The following BBS9 variants were observed in gnomAD, a reference collection of about 807,000 sequenced individuals.
BBS9 encodes Bardet-Biedl syndrome 9.
A neutral mutation model predicts 117.7 loss-of-function variants in BBS9; 89 were observed. The observed-to-expected ratio is 0.76, with a 90% CI of 0.64 to 0.90. The LOEUF (loss-of-function observed/expected upper bound fraction) is 0.90, where lower values mean the gene tolerates loss of function less well. Among genes scored for constraint, BBS9 ranks in the 40% least tolerant of loss-of-function variants. BBS9 has a pLI of 0.00. For synonymous variants in BBS9, 379 were observed against 370.9 expected (o/e 1.02, Z -0.25); for missense variants, 982 against 1,042.2 (o/e 0.94, Z 0.80).
rs117807130 is a variant in BBS9, at chr7:33,263,074, A to G, written c.618-1216A>G. 4.9e-3 allele frequency among the ~76,000 whole-genome samples: 720 copies of G among 146,602 alleles called. 3 individuals are homozygous for G. The highest frequency in any genetic ancestry group is 7.8e-3 in the Non-Finnish European group (523 of 67,030). On this transcript the variant is annotated intron_variant, in intron 6 of 22. Coordinates refer to ENST00000242067, the MANE Select transcript of BBS9 (RefSeq NM_198428.3). ...TCCCTACTATATGTTTATAAAATGAATGAAATTTATATATATTACGTTTTC... is the reference window on the plus strand; with the variant it reads ...TCCCTACTATATGTTTATAAAATGAGTGAAATTTATATATATTACGTTTTC...
intron 19 of BBS9, among the ~76,000 whole-genome samples, chr7:33,495,625 C>T (rs1484214532): frequency 6.6e-6 from 1 of 152,116 alleles, no homozygotes; most frequent in African/African-American, 2.4e-5. Context: ...AACCTGATTC[C>T]ATCAATTATT....
chr7:33,143,346 A>G (rs949010771), intron 1 of BBS9, among the ~76,000 whole-genome samples: 1 of 152,156 alleles, frequency 6.6e-6, no homozygotes, highest in Non-Finnish European at 1.5e-5. Context: ...CCAACAGCGT[A>G]CAGAGATTCC....
chr7:33,474,880 G>A (rs1280721241), intron 19 of BBS9, among the ~76,000 whole-genome samples: 5 of 152,202 alleles, frequency 3.3e-5, no homozygotes, highest in African/African-American at 1.2e-4. Flanking sequence ...GGGAGGTGGA[G>A]GTTGCAGTGA....
At chr7:33,134,567 T>G (rs1790171568) in intron 1 of BBS9, among the ~76,000 whole-genome samples, 4 of 152,166 alleles carry the variant, frequency 2.6e-5, no homozygotes, top group Admixed American at 2.6e-4. Flanking sequence ...CTAAAAGTTT[T>G]TAGTTTTGAT....
chr7:33,432,073 TTTTC>T (rs552221500), intron 19 of BBS9, among the ~76,000 whole-genome samples: 263 of 152,030 alleles, frequency 1.7e-3, no homozygotes, highest in African/African-American at 6.0e-3. Context: ...CCAGGATTTT[TTTTC>T]TTTCTTTCTT....
intron 19 of BBS9, among the ~76,000 whole-genome samples, chr7:33,469,743 A>G (rs1364758910): frequency 1.3e-5 from 2 of 152,118 alleles, no homozygotes; most frequent in African/African-American, 2.4e-5. Flanking sequence ...AAAGAGGAGA[A>G]CAAAGAAAAG....
chr7:33,216,595 T>C (rs1789112496), intron 5 of BBS9, among the ~76,000 whole-genome samples: 1 of 152,222 alleles, frequency 6.6e-6, no homozygotes, highest in Admixed American at 6.5e-5. Flanking sequence ...AATAAACTCA[T>C]TGAAAATCAG....
chr7:33,185,607 A>G (rs934322257), intron 5 of BBS9, among the ~76,000 whole-genome samples: 1 of 152,186 alleles, frequency 6.6e-6, no homozygotes. Context: ...ATGTATATTT[A>G]GTGTGCACCT....
intron 21 of BBS9, among the ~76,000 whole-genome samples, chr7:33,619,406 A>G (rs749477440): frequency 5.9e-5 from 9 of 152,296 alleles, no homozygotes; most frequent in Admixed American, 2.0e-4. Flanking sequence ...ACACAGTAGT[A>G]GTAAGGGACT....
intron 19 of BBS9, among the ~76,000 whole-genome samples, chr7:33,437,311 CCCACACCAGTCTTCTTT>C (rs1835441428): frequency 6.6e-6 from 1 of 152,162 alleles, no homozygotes; most frequent in East Asian, 1.9e-4. Context: ...CCTCTCTGCT[CCCACACCAGTCTTCTTT>C]CCAAACAGCG....
intron 20 of BBS9, among the ~76,000 whole-genome samples, chr7:33,507,295 C>A (rs750950183): frequency 6.6e-6 from 1 of 152,166 alleles, no homozygotes; most frequent in Non-Finnish European, 1.5e-5. Flanking sequence ...GACTGGAGTG[C>A]AATGGTGTGA....
In BBS9 at chr7:33,367,852, C is replaced by T. The variant is rs767895285; in HGVS notation, c.1779C>T (p.Ser593=). ...LGGARITVLA[S]KTSQRYRIQS... ...GTGCTCGAATTACTGTTCTTGCTTCCAAAACTTCTCGTAAGTAAAACCATG... is the reference window on the plus strand; with the variant it reads ...GTGCTCGAATTACTGTTCTTGCTTCTAAAACTTCTCGTAAGTAAAACCATG... Residue 593 remains serine, a synonymous_variant, in exon 17 of 23, where the codon TCC becomes TCT. Coordinates refer to ENST00000242067, the MANE Select transcript of BBS9 (RefSeq NM_198428.3). 30 of 1,613,524 alleles carry T rather than the reference C, an allele frequency of 1.9e-5. No individual in the cohort carries two copies. In the East Asian group the frequency reaches 6.7e-4, roughly 36 times the overall value.
At chr7:33,509,228 A>C (rs963760865) in intron 20 of BBS9, among the ~76,000 whole-genome samples, 3 of 152,188 alleles carry the variant, frequency 2.0e-5, no homozygotes, top group Non-Finnish European at 4.4e-5. Context: ...TATACTGTTG[A>C]GACAGCTTAT....
intron 17 of BBS9, among the ~76,000 whole-genome samples, chr7:33,373,208 G>A (rs1179333407): frequency 6.6e-6 from 1 of 151,978 alleles, no homozygotes; most frequent in Admixed American, 6.6e-5. Context: ...GCACTGAGGA[G>A]CGTATTCTTA....
chr7:33,480,359 G>T (rs1842366336), intron 19 of BBS9, among the ~76,000 whole-genome samples: 1 of 152,158 alleles, frequency 6.6e-6, no homozygotes, highest in African/African-American at 2.4e-5. Context: ...GTTTTTATTT[G>T]TAAGGAACAT....
intron 20 of BBS9, among the ~76,000 whole-genome samples, chr7:33,511,802 G>A (rs1847013630): frequency 6.6e-6 from 1 of 152,192 alleles, no homozygotes; most frequent in Admixed American, 6.5e-5. Flanking sequence ...ATTGTGTGGA[G>A]GGAATTATCA....
intron 18 of BBS9, among the ~76,000 whole-genome samples, chr7:33,386,053 C>T (rs148833172): frequency 7.3e-4 from 111 of 151,932 alleles, no homozygotes; most frequent in African/African-American, 2.5e-3. Context: ...ATGGGTGCAG[C>T]GCACCGACAT....
chr7:33,288,854 T>C (rs1803427014), intron 9 of BBS9, among the ~76,000 whole-genome samples: 1 of 152,202 alleles, frequency 6.6e-6, no homozygotes, highest in African/African-American at 2.4e-5. Context: ...GTTACTACTA[T>C]TATTACTATT....
intron 20 of BBS9, among the ~76,000 whole-genome samples, chr7:33,509,956 T>C (rs889750672): frequency 3.9e-5 from 6 of 152,220 alleles, no homozygotes; most frequent in African/African-American, 1.4e-4. Flanking sequence ...TCCTCAATAC[T>C]ATTTTGGGGC....
Sources: gnomAD v4.1 joint callset for allele counts (sites outside exome capture counted in the v4.1 genomes callset) on GRCh38, gnomAD v4.1.1 for gene constraint, MANE v1.5 for transcripts, NCBI Gene and HGNC (gene_info 2026-07-23, HGNC 2026-07-21) for gene names.